WARS2: variants seen among roughly 807,000 people sequenced by gnomAD.
WARS2 encodes tryptophanyl tRNA synthetase 2, mitochondrial.
A neutral mutation model predicts 36.5 loss-of-function variants in WARS2; 28 were observed. That is an observed-to-expected ratio of 0.77 (90% confidence interval 0.57 to 1.05). The LOEUF is 1.05. WARS2 is among the 50% of genes least tolerant of loss of function. The pLI is 0.00. For synonymous variants in WARS2, 174 were observed against 178.4 expected (o/e 0.98, Z 0.20); for missense variants, 435 against 456.8 (o/e 0.95, Z 0.44).
At chr1:119,071,838 T>C (rs1379454328) in intron 2 of WARS2, among the ~76,000 whole-genome samples, 1 of 152,206 alleles carries the variant, frequency 6.6e-6, no homozygotes, top group East Asian at 1.9e-4. Context: ...ATATGTTATA[T>C]AGCTTGATTT....
intron 1 of WARS2, among the ~76,000 whole-genome samples, chr1:119,087,002 C>G (rs1157956352): frequency 6.6e-6 from 1 of 152,126 alleles, no homozygotes; most frequent in African/African-American, 2.4e-5. Flanking sequence ...GATTCTGAGA[C>G]TCTTAAACAT....
At chr1:119,111,153 G>A (rs1427946846) in intron 1 of WARS2, among the ~76,000 whole-genome samples, 2 of 152,060 alleles carry the variant, frequency 1.3e-5, no homozygotes, top group Admixed American at 1.3e-4. Flanking sequence ...GGCTTGTTTA[G>A]TCTCTTCAAA....
At chr1:119,042,975 G>C (rs1648498988) in intron 3 of WARS2, among the ~76,000 whole-genome samples, 1 of 152,178 alleles carries the variant, frequency 6.6e-6, no homozygotes, top group Non-Finnish European at 1.5e-5. Flanking sequence ...AGCAGTACAG[G>C]TTGTATAGAC....
intron 3 of WARS2, among the ~76,000 whole-genome samples, chr1:119,042,654 C>T (rs180692824): frequency 3.3e-5 from 5 of 151,958 alleles, no homozygotes; most frequent in Admixed American, 1.3e-4. Context: ...GGTTCCAAAT[C>T]GGATAAATTC....
chr1:119,085,370 G>T (rs1652560906), intron 1 of WARS2: 4 of 1,377,784 alleles, frequency 2.9e-6, no homozygotes, highest in African/African-American at 1.4e-5. Context: ...TAGGGCCAGG[G>T]TTGTCCTCTT....
In WARS2 at chr1:119,103,862, T is replaced by C. The variant is rs1040368243; in HGVS notation, c.91-27255A>G. On this transcript the variant is annotated intron_variant, in intron 1 of 5. Coordinates refer to ENST00000235521, the MANE Select transcript of WARS2 (RefSeq NM_015836.4). ...ATCATATGTTACTCTGCACTTTATT[T>C]CTACTTTCCTTTTTAATTAAAAGAA... Among the ~76,000 whole-genome samples, 10 of 151,610 alleles carry C rather than the reference T, an allele frequency of 6.6e-5. 1 individual carries two copies. The highest frequency in any genetic ancestry group is 6.6e-4 in the Admixed American group (10 of 15,246).
At chr1:119,124,875 C>T (rs1391937612) in intron 1 of WARS2, among the ~76,000 whole-genome samples, 3 of 152,142 alleles carry the variant, frequency 2.0e-5, no homozygotes, top group Non-Finnish European at 4.4e-5. Context: ...ACTTCGTATA[C>T]TATTACTATA....
At chr1:119,135,745 GATAGAT>G (rs1430110754) in intron 1 of WARS2, among the ~76,000 whole-genome samples, 15 of 115,314 alleles carry the variant, frequency 1.3e-4, no homozygotes, top group African/African-American at 4.3e-4. Flanking sequence ...TAGATAGATA[GATAGAT>G]AGAGAGATAG....
intron 2 of WARS2, among the ~76,000 whole-genome samples, chr1:119,055,944 G>A (rs868663521): frequency 6.6e-6 from 1 of 151,432 alleles, no homozygotes; most frequent in African/African-American, 2.4e-5. Flanking sequence ...AAAACTCTGA[G>A]CAGGCTGTTT....
intron 4 of WARS2, among the ~76,000 whole-genome samples, chr1:119,035,220 C>T (rs558162790): frequency 6.6e-5 from 10 of 151,988 alleles, no homozygotes; most frequent in South Asian, 4.2e-4. Context: ...AGCAATATGG[C>T]GGGATTAAAA....
At chr1:119,054,736 T>G (rs1312950126) in intron 2 of WARS2, among the ~76,000 whole-genome samples, 1 of 152,210 alleles carries the variant, frequency 6.6e-6, no homozygotes, top group Non-Finnish European at 1.5e-5. Flanking sequence ...AAGAAAATTC[T>G]GACACATGCT....
chr1:119,039,750 GTT>G (rs1408222430), intron 4 of WARS2, among the ~76,000 whole-genome samples: 1 of 151,748 alleles, frequency 6.6e-6, no homozygotes, highest in African/African-American at 2.4e-5. Context: ...TTTCTATTAT[GTT>G]TGTTTTCTGA....
In WARS2 at chr1:119,135,070, T is replaced by C. The variant is rs370274095; in HGVS notation, c.90+5485A>G. On this transcript the variant is annotated intron_variant, in intron 1 of 5. Transcript: ENST00000235521. The stretch of plus-strand genomic sequence containing the variant: ...ACTGCTATTATCTCATGTACTCTTA[T>C]GTAGCTTAAGATCAATAGAATACTG... Among the ~76,000 whole-genome samples, 18 of 152,360 alleles carry C rather than the reference T, an allele frequency of 1.2e-4. 1 individual carries two copies. The highest frequency in any genetic ancestry group is 3.9e-4 in the Admixed American group (6 of 15,302).
intron 1 of WARS2, among the ~76,000 whole-genome samples, chr1:119,125,637 CA>C (rs1655604407): frequency 6.6e-6 from 1 of 152,168 alleles, no homozygotes; most frequent in Non-Finnish European, 1.5e-5. Flanking sequence ...TTTAATCATT[CA>C]GGAGACAATG....
intron 1 of WARS2, among the ~76,000 whole-genome samples, chr1:119,134,660 G>A (rs1401118563): frequency 1.3e-5 from 2 of 152,196 alleles, no homozygotes; most frequent in Non-Finnish European, 2.9e-5. Flanking sequence ...CTAAATGCCT[G>A]AGCAGAGTTA....
chr1:119,101,604 T>C (rs888171916), intron 1 of WARS2, among the ~76,000 whole-genome samples: 3 of 152,216 alleles, frequency 2.0e-5, no homozygotes, highest in African/African-American at 7.2e-5. Flanking sequence ...AACCCACATG[T>C]CCTCAAATCT....
chr1:119,089,499 T>C (rs918919198), intron 1 of WARS2, among the ~76,000 whole-genome samples: 5 of 152,196 alleles, frequency 3.3e-5, no homozygotes, highest in African/African-American at 1.2e-4. Context: ...GCCCAGTTAC[T>C]TATGTGGCGT....
chr1:119,036,401 G>A (rs577124113), intron 4 of WARS2, among the ~76,000 whole-genome samples: 2 of 152,168 alleles, frequency 1.3e-5, no homozygotes, highest in East Asian at 3.9e-4. Context: ...ACTCCTCTCT[G>A]GGATGTACAT....
intron 1 of WARS2, among the ~76,000 whole-genome samples, chr1:119,095,824 A>G (rs961792751): frequency 6.6e-6 from 1 of 152,208 alleles, no homozygotes; most frequent in African/African-American, 2.4e-5. Context: ...GGCAATCTAT[A>G]TAGAGATGCA....
Sources: gnomAD v4.1 joint callset for allele counts (sites outside exome capture counted in the v4.1 genomes callset) on GRCh38, gnomAD v4.1.1 for gene constraint, MANE v1.5 for transcripts, NCBI Gene and HGNC (gene_info 2026-07-23, HGNC 2026-07-21) for gene names.